The following LRMDA variants were observed in gnomAD, a reference collection of about 807,000 sequenced individuals.
LRMDA encodes the protein leucine-rich melanocyte differentiation-associated protein.
Under a neutral mutation model 29.8 loss-of-function variants are expected in LRMDA, and 18 were observed. That is an observed-to-expected ratio of 0.60 (90% CI 0.42 to 0.90). The LOEUF (loss-of-function observed/expected upper bound fraction) is 0.90. Ranked by LOEUF, LRMDA falls within the 40% of genes least tolerant of loss-of-function variation. The pLI, the probability that LRMDA is intolerant of heterozygous loss-of-function variation, is 0.00. For synonymous variants in LRMDA, 125 were observed against 109.4 expected, an observed-to-expected ratio of 1.14 and a Z score of -0.89; for missense variants, 273 against 273.9, an observed-to-expected ratio of 1.00 and a Z score of 0.02.
At chr10:75,489,596 C>G (rs1477516293) in intron 2 of LRMDA, among the ~76,000 whole-genome samples, 2 of 152,204 alleles carry the variant, frequency 1.3e-5, no homozygotes, top group Non-Finnish European at 2.9e-5. Context: ...GAAGTAGGCT[C>G]TGACCTCATG....
At chr10:75,856,046 A>G (rs1371013266) in intron 2 of LRMDA, among the ~76,000 whole-genome samples, 2 of 152,176 alleles carry the variant, frequency 1.3e-5, no homozygotes, top group Admixed American at 1.3e-4. Flanking sequence ...TTGGCAATGC[A>G]GGCTCTTTTT....
chr10:76,017,664 G>A (rs1455112591), intron 2 of LRMDA, among the ~76,000 whole-genome samples: 1 of 152,140 alleles, frequency 6.6e-6, no homozygotes, highest in Non-Finnish European at 1.5e-5. Context: ...CAGCCCAGTT[G>A]CTACTTCCCA....
chr10:76,543,358 GTGT>G (rs1290213754), intron 6 of LRMDA, among the ~76,000 whole-genome samples: 7 of 126,578 alleles, frequency 5.5e-5, no homozygotes, highest in South Asian at 2.5e-4. Flanking sequence ...GTGTGTGTGT[GTGT>G]AGAGAGTGAT....
chr10:76,034,328 C>T (rs1657773413), intron 2 of LRMDA, among the ~76,000 whole-genome samples: 1 of 152,110 alleles, frequency 6.6e-6, no homozygotes, highest in Non-Finnish European at 1.5e-5. Flanking sequence ...CATTTATCCT[C>T]ACAAGTTGTG....
intron 6 of LRMDA, among the ~76,000 whole-genome samples, chr10:76,334,566 C>A (rs1262150505): frequency 6.6e-6 from 1 of 152,196 alleles, no homozygotes; most frequent in Admixed American, 6.5e-5. Context: ...CCAGCTTCCT[C>A]CTCCAGCCAT....
chr10:76,243,951 A>T (rs930681590), intron 5 of LRMDA, among the ~76,000 whole-genome samples: 2 of 152,174 alleles, frequency 1.3e-5, no homozygotes, highest in African/African-American at 4.8e-5. Context: ...AAATCGAATG[A>T]CAAGTGTCCT....
At chr10:76,355,869 A>G (rs1304294934) in intron 6 of LRMDA, among the ~76,000 whole-genome samples, 1 of 152,228 alleles carries the variant, frequency 6.6e-6, no homozygotes, top group African/African-American at 2.4e-5. Flanking sequence ...GCCCACATTC[A>G]GGGCTATAAG....
chr10:75,809,288 A>T lies in LRMDA; in HGVS notation c.132-226720A>T, dbSNP rs564669391. Among the ~76,000 whole-genome samples, 16 of 152,320 alleles carry T rather than the reference A, an allele frequency of 1.1e-4. No homozygotes were observed. The South Asian group carries it at 3.1e-3, about 30-fold the overall frequency. On this transcript the variant is annotated intron_variant, in intron 2 of 6. Coordinates refer to ENST00000611255, the MANE Select transcript of LRMDA (RefSeq NM_001305581.2). ...GATAATGGTAATAATAAAATCATTT[A>T]TTCAGCCTGCTTTTACTGATTGCCT...
chr10:76,386,413 T>C (rs1841660285), intron 6 of LRMDA, among the ~76,000 whole-genome samples: 1 of 152,220 alleles, frequency 6.6e-6, no homozygotes, highest in African/African-American at 2.4e-5. Flanking sequence ...TAGTCTGTCT[T>C]CTACATGGGG....
At chr10:76,125,378 C>T (rs923403922) in intron 5 of LRMDA, among the ~76,000 whole-genome samples, 3 of 152,136 alleles carry the variant, frequency 2.0e-5, no homozygotes, top group Admixed American at 2.0e-4. Flanking sequence ...GAGGTGACCT[C>T]CTGTTCGGCA....
intron 2 of LRMDA, among the ~76,000 whole-genome samples, chr10:75,829,163 C>T (rs1239084561): frequency 6.6e-6 from 1 of 152,164 alleles, no homozygotes; most frequent in Admixed American, 6.5e-5. Flanking sequence ...CTGAGCCCTT[C>T]CCATGAGATG....
chr10:75,930,741 G>A (rs541072427), intron 2 of LRMDA, among the ~76,000 whole-genome samples: 3 of 152,194 alleles, frequency 2.0e-5, no homozygotes, highest in Non-Finnish European at 4.4e-5. Flanking sequence ...TGTTCATTTA[G>A]TTGATGTTGC....
chr10:76,223,495 C>A (rs972691527), intron 5 of LRMDA, among the ~76,000 whole-genome samples: 1 of 152,152 alleles, frequency 6.6e-6, no homozygotes, highest in African/African-American at 2.4e-5. Flanking sequence ...CCCCAAAATT[C>A]ATATGCTGAA....
chr10:76,310,756 C>T (rs575639700), intron 5 of LRMDA, among the ~76,000 whole-genome samples: 1 of 152,292 alleles, frequency 6.6e-6, no homozygotes, highest in African/African-American at 2.4e-5. Context: ...ATTCATTAAA[C>T]TGAAAAATGG....
intron 2 of LRMDA, among the ~76,000 whole-genome samples, chr10:75,750,760 C>T (rs1432102993): frequency 2.0e-5 from 3 of 151,118 alleles, no homozygotes; most frequent in Non-Finnish European, 3.0e-5. Context: ...AGACGATGGG[C>T]GGCCAGGCAG....
intron 6 of LRMDA, among the ~76,000 whole-genome samples, chr10:76,465,973 A>G (rs1440100285): frequency 6.6e-6 from 1 of 152,188 alleles, no homozygotes; most frequent in Non-Finnish European, 1.5e-5. Context: ...AATTCTTTAT[A>G]TACACTATCT....
chr10:76,489,004 G>A (rs1333240420), intron 6 of LRMDA, among the ~76,000 whole-genome samples: 1 of 151,640 alleles, frequency 6.6e-6, no homozygotes, highest in Admixed American at 6.6e-5. Context: ...TCTGGTTTTG[G>A]TATCAGAATT....
chr10:76,297,841 A>G (rs1333462674), intron 5 of LRMDA, among the ~76,000 whole-genome samples: 1 of 152,200 alleles, frequency 6.6e-6, no homozygotes, highest in Non-Finnish European at 1.5e-5. Context: ...GGATTAGCCT[A>G]TGGCTACAAT....
At chr10:76,551,344 A>G (rs1189454018) in intron 6 of LRMDA, among the ~76,000 whole-genome samples, 1 of 152,142 alleles carries the variant, frequency 6.6e-6, no homozygotes, top group Non-Finnish European at 1.5e-5. Flanking sequence ...ACCAGAGGTT[A>G]AAAGATGAGT....
Sources: gnomAD v4.1 joint callset for allele counts (sites outside exome capture counted in the v4.1 genomes callset) on GRCh38, gnomAD v4.1.1 for gene constraint, MANE v1.5 for transcripts, NCBI Gene and HGNC (gene_info 2026-07-23, HGNC 2026-07-21) for gene names.